The following HDX variants were observed in gnomAD, a reference collection of about 807,000 sequenced individuals.
HDX encodes highly divergent homeobox.
A neutral mutation model predicts 45.2 loss-of-function variants in HDX; 19 were observed. The observed-to-expected ratio is 0.42, with a 90% CI of 0.29 to 0.62. The LOEUF (loss-of-function observed/expected upper bound fraction) is 0.62. Among genes scored for constraint, HDX ranks in the 20% least tolerant of loss-of-function variants. The pLI is 0.20. For synonymous variants in HDX, 188 were observed against 172.8 expected, an observed-to-expected ratio of 1.09 and a Z score of -0.69; for missense variants, 532 against 493.9, an observed-to-expected ratio of 1.08 and a Z score of -0.73.
At chrX:84,471,037 AC>A (rs1283294945) in intron 3 of HDX, among the ~76,000 whole-genome samples, 1 of 111,882 alleles carries the variant, frequency 8.9e-6, no homozygotes, top group Non-Finnish European at 1.9e-5. Flanking sequence ...AAAAATGAAA[AC>A]ATTAAATGAA....
chrX:84,423,109 A>G (rs2039303871), intron 5 of HDX, among the ~76,000 whole-genome samples: 1 of 111,092 alleles, frequency 9.0e-6, no homozygotes, highest in Non-Finnish European at 1.9e-5. Flanking sequence ...TGGCTACTAT[A>G]AGCAACTATA....
At chrX:84,398,703 T>C (rs754546030) in intron 5 of HDX, among the ~76,000 whole-genome samples, 9 of 112,060 alleles carry the variant, frequency 8.0e-5, no homozygotes, top group Non-Finnish European at 1.5e-4. Flanking sequence ...AACTCAGTTC[T>C]GGATCAAGTG....
At position 84,449,850 on chromosome X, in the gene HDX, CA is replaced by C. The variant is rs1276245696; in HGVS notation, c.1252-9266del. On this transcript the variant is annotated intron_variant, in intron 4 of 10. Transcript: ENST00000373177. ...GAAAGAACAATCCTCAGCAAACTAT[CA>C]CAAGGACAAAAAACCAAACACCACA... 2.0e-3 allele frequency among the ~76,000 whole-genome samples: 217 copies of C among 110,877 alleles called. 1 individual carries two copies. Among genetic ancestry groups the C allele is most frequent in the African/African-American group, 6.9e-3 (212 of 30,517 alleles).
intron 2 of HDX, among the ~76,000 whole-genome samples, chrX:84,475,782 C>T (rs2040537459): frequency 8.9e-6 from 1 of 111,768 alleles, no homozygotes; most frequent in Admixed American, 9.5e-5. Flanking sequence ...AACAGGGACA[C>T]TCACTGTTCT....
At chrX:84,452,545 A>C (rs1182528053) in intron 4 of HDX, among the ~76,000 whole-genome samples, 1 of 110,752 alleles carries the variant, frequency 9.0e-6, no homozygotes, top group East Asian at 2.8e-4. Context: ...TACAAAAAAA[A>C]AAAAAAAGTC....
intron 5 of HDX, among the ~76,000 whole-genome samples, chrX:84,412,082 A>T (rs1198218343): frequency 9.0e-6 from 1 of 111,666 alleles, no homozygotes; most frequent in Admixed American, 9.5e-5. Flanking sequence ...AATTTTATCA[A>T]AACAGCATAC....
At chrX:84,372,456 T>C (rs2147877945) in intron 5 of HDX, among the ~76,000 whole-genome samples, 1 of 111,940 alleles carries the variant, frequency 8.9e-6, no homozygotes, top group South Asian at 3.7e-4. Context: ...ATTGAGTATC[T>C]ACTAGGCATG....
intron 5 of HDX, among the ~76,000 whole-genome samples, chrX:84,390,236 C>T (rs1297444203): frequency 9.0e-6 from 1 of 111,226 alleles, no homozygotes; most frequent in Non-Finnish European, 1.9e-5. Context: ...GATTTAACCA[C>T]ACTCTCTAAT....
At chrX:84,419,614 G>T in intron 5 of HDX, among the ~76,000 whole-genome samples, 1 of 112,133 alleles carries the variant, frequency 8.9e-6, no homozygotes, top group Non-Finnish European at 1.9e-5. Flanking sequence ...AAAGACACAG[G>T]CCTGACTGGC....
intron 2 of HDX, among the ~76,000 whole-genome samples, chrX:84,476,122 T>C (rs2040545258): frequency 9.0e-6 from 1 of 111,665 alleles, no homozygotes; most frequent in African/African-American, 3.3e-5. Context: ...GTTAAAAAAA[T>C]GCTTTATCTT....
intron 5 of HDX, among the ~76,000 whole-genome samples, chrX:84,420,547 G>A (rs1480040553): frequency 1.8e-5 from 2 of 112,051 alleles, no homozygotes; most frequent in Non-Finnish European, 3.8e-5. Context: ...AGAGAAAGTA[G>A]AGAAAGAGAT....
At chrX:84,373,887 T>G (rs1353748994) in intron 5 of HDX, among the ~76,000 whole-genome samples, 2 of 109,950 alleles carry the variant, frequency 1.8e-5, no homozygotes, top group Admixed American at 9.7e-5. Context: ...CTATTCAACA[T>G]AGTGTTGGAA....
At chrX:84,357,816 G>T (rs762771008) in intron 6 of HDX, among the ~76,000 whole-genome samples, 1 of 112,318 alleles carries the variant, frequency 8.9e-6, no homozygotes, top group South Asian at 3.7e-4. Flanking sequence ...CTTGTAGTTT[G>T]GTATGACCAT....
chrX:84,461,508 T>C (rs2040237005), intron 4 of HDX, among the ~76,000 whole-genome samples: 1 of 107,440 alleles, frequency 9.3e-6, no homozygotes, highest in African/African-American at 3.6e-5. Flanking sequence ...TCTCACTATA[T>C]AATTAAAAAA....
intron 4 of HDX, among the ~76,000 whole-genome samples, chrX:84,459,551 T>C (rs1228510270): frequency 9.1e-6 from 1 of 110,154 alleles, no homozygotes. Flanking sequence ...AAAAGCAGTA[T>C]TAAGAGGAAA....
chrX:84,430,239 A>G (rs1162254291), intron 5 of HDX, among the ~76,000 whole-genome samples: 1 of 110,708 alleles, frequency 9.0e-6, no homozygotes, highest in Non-Finnish European at 1.9e-5. Context: ...TACTTTTTTT[A>G]GCTTTCAAAT....
chrX:84,386,452 G>A (rs923443124), intron 5 of HDX, among the ~76,000 whole-genome samples: 13 of 111,210 alleles, frequency 1.2e-4, no homozygotes, highest in African/African-American at 3.9e-4. Context: ...TCTACCTCTG[G>A]TAGAATTCAG....
At chrX:84,340,116 G>GAGGTGGA (rs2037054991) in intron 7 of HDX, among the ~76,000 whole-genome samples, 1 of 110,531 alleles carries the variant, frequency 9.0e-6, no homozygotes, top group African/African-American at 3.3e-5. Context: ...GGGAAGGTGG[G>GAGGTGGA]AGGTGGAAGG....
At chrX:84,387,721 G>C (rs960659262) in intron 5 of HDX, among the ~76,000 whole-genome samples, 1 of 111,614 alleles carries the variant, frequency 9.0e-6, no homozygotes, top group Non-Finnish European at 1.9e-5. Context: ...TTACATGTGA[G>C]ATGGATCTCT....
Sources: gnomAD v4.1 joint callset for allele counts (sites outside exome capture counted in the v4.1 genomes callset) on GRCh38, gnomAD v4.1.1 for gene constraint, MANE v1.5 for transcripts, NCBI Gene and HGNC (gene_info 2026-07-23, HGNC 2026-07-21) for gene names.